Variants in NBEA observed in about 807,000 individuals in gnomAD.
The protein encoded by NBEA is lysosomal-trafficking regulator 2.
Under a neutral mutation model 343.4 loss-of-function variants are expected in NBEA, and 44 were observed. That is an observed-to-expected ratio of 0.13 (90% CI 0.10 to 0.16). The LOEUF is 0.16. Ranked by LOEUF, NBEA falls within the 10% of genes least tolerant of loss-of-function variation. The pLI, the probability that NBEA is intolerant of heterozygous loss-of-function variation, is 1.00. For synonymous variants in NBEA, 1,175 were observed against 1,238.7 expected (o/e 0.95, Z 1.08); for missense variants, 2,555 against 3,631.3 (o/e 0.70, Z 7.62).
At chr13:35,435,156 G>A (rs935405112) in intron 39 of NBEA, among the ~76,000 whole-genome samples, 7 of 151,956 alleles carry the variant, frequency 4.6e-5, no homozygotes, top group Middle Eastern at 3.2e-3. Context: ...GATTACAGGC[G>A]CCTGCCACCA....
In NBEA at chr13:35,110,927, T is replaced by C. The variant is rs1335592557; in HGVS notation, c.1951T>C (p.Tyr651His). 1 of 1,612,350 alleles carries C rather than the reference T, an allele frequency of 6.2e-7. No individual in the cohort carries two copies. The highest frequency in any genetic ancestry group is 8.5e-7 in the Non-Finnish European group (1 of 1,178,776). ...GCTAATGCACACCTTAAAATATTAC[T>C]ACTGGGTTATTAATCCTGCTGACAG... ...LQLMHTLKYY[Y>H]WVINPADSSG... Residue 651 changes from tyrosine (Y) to histidine (H), a missense_variant, in exon 13 of 59, where the codon TAC (tyrosine) becomes CAC (histidine). By Grantham distance (83) the Tyr-to-His change is moderately conservative. Around this residue, in one of 21 missense-constraint regions of NBEA, gnomAD observed 360 missense variants for 519.1 expected, o/e 0.69. Coordinates refer to ENST00000379939, the MANE Select transcript of NBEA (RefSeq NM_001385012.1).
intron 30 of NBEA, among the ~76,000 whole-genome samples, chr13:35,193,879 A>G (rs2072387186): frequency 6.6e-6 from 1 of 151,974 alleles, no homozygotes; most frequent in African/African-American, 2.4e-5. Flanking sequence ...AAACTATGAT[A>G]TAACATTGCA....
chr13:35,415,633 G>C (rs1262980777), intron 38 of NBEA, among the ~76,000 whole-genome samples: 1 of 152,072 alleles, frequency 6.6e-6, no homozygotes, highest in African/African-American at 2.4e-5. Context: ...TTTGGTTACT[G>C]TAGCCTTGTA....
intron 33 of NBEA, among the ~76,000 whole-genome samples, chr13:35,218,552 G>T (rs2074192154): frequency 6.6e-6 from 1 of 151,892 alleles, no homozygotes; most frequent in African/African-American, 2.4e-5. Flanking sequence ...TATAGTCATG[G>T]TTATAGCAGG....
At chr13:35,086,622 G>T (rs2152618460) in intron 10 of NBEA, among the ~76,000 whole-genome samples, 1 of 152,042 alleles carries the variant, frequency 6.6e-6, no homozygotes, top group South Asian at 2.1e-4. Context: ...TTAAACATGT[G>T]AGTGCGTGTA....
rs1161814140 is a variant in NBEA at position 35,159,838 on chromosome 13, A to G, written c.3667A>G (p.Arg1223Gly). ...AGATGGAATGAGCAGTATTTCTGAA[A>G]GAGACTTAGCGTCATCAACTAAGGG... ...TSDGMSSISE[R>G]DLASSTKGLE... The change falls in exon 22 of 59, where the codon AGA (arginine) becomes GGA (glycine). Residue 1223 changes from arginine (R) to glycine (G), a missense_variant. Transcript: ENST00000379939. 1.9e-6 allele frequency: 3 copies of G among 1,609,088 alleles called. No homozygotes were observed. Among genetic ancestry groups the G allele is most frequent in the Non-Finnish European group, 2.5e-6 (3 of 1,177,422 alleles).
intron 1 of NBEA, among the ~76,000 whole-genome samples, chr13:35,010,907 A>G (rs1157197432): frequency 1.3e-5 from 2 of 150,922 alleles, no homozygotes; most frequent in African/African-American, 4.9e-5. Context: ...GCAAGACCCC[A>G]TTTCTTTAAA....
intron 18 of NBEA, 94 bp from the exon 19 acceptor site, chr13:35,155,680 T>C (rs1368363125): frequency 8.5e-6 from 8 of 937,382 alleles, no homozygotes; most frequent in African/African-American, 3.3e-5. Flanking sequence ...TTGGACTGCA[T>C]TGACATTTCT....
intron 10 of NBEA, among the ~76,000 whole-genome samples, chr13:35,093,582 C>T (rs1001608655): frequency 1.8e-4 from 28 of 152,060 alleles, no homozygotes; most frequent in Middle Eastern, 3.4e-3. Context: ...ATTTGGCCTT[C>T]CTGCTGTGGC....
intron 39 of NBEA, among the ~76,000 whole-genome samples, chr13:35,436,409 T>G (rs969509810): frequency 6.6e-6 from 1 of 152,198 alleles, no homozygotes; most frequent in African/African-American, 2.4e-5. Context: ...AATTTCCCTG[T>G]TGTTAAATTC....
chr13:35,530,739 A>AGT (rs1555293674), intron 41 of NBEA, among the ~76,000 whole-genome samples: 1 of 151,988 alleles, frequency 6.6e-6, no homozygotes, highest in Non-Finnish European at 1.5e-5. Flanking sequence ...TTCCATGGTG[A>AGT]TCTGCACAAT....
At chr13:35,634,298 A>G (rs190305097) in intron 49 of NBEA, among the ~76,000 whole-genome samples, 31 of 152,272 alleles carry the variant, frequency 2.0e-4, no homozygotes, top group African/African-American at 7.5e-4. Flanking sequence ...AGCCAAGATC[A>G]TACCACTGCA....
chr13:35,056,762 A>G (rs2063279985), intron 7 of NBEA, among the ~76,000 whole-genome samples: 1 of 152,170 alleles, frequency 6.6e-6, no homozygotes, highest in Admixed American at 6.5e-5. Flanking sequence ...TTTGGCCTTC[A>G]TAAGCAAACA....
intron 34 of NBEA, among the ~76,000 whole-genome samples, chr13:35,257,167 C>A (rs371182647): frequency 4.5e-4 from 68 of 152,306 alleles, no homozygotes; most frequent in African/African-American, 1.6e-3. Context: ...TAGGCAAAAT[C>A]TGTTAAAGAG....
At chr13:35,231,417 C>T (rs2074967361) in intron 33 of NBEA, among the ~76,000 whole-genome samples, 1 of 151,976 alleles carries the variant, frequency 6.6e-6, no homozygotes, top group Non-Finnish European at 1.5e-5. Context: ...TCATGTGTAA[C>T]AAAATGTTAC....
intron 1 of NBEA, among the ~76,000 whole-genome samples, chr13:34,982,390 C>T (rs2060387324): frequency 6.6e-6 from 1 of 152,060 alleles, no homozygotes; most frequent in South Asian, 2.1e-4. Flanking sequence ...ACCCCTGCCT[C>T]CTGGGTTCAA....
rs1281435785 is a variant in NBEA at position 35,155,319 on chromosome 13, A to G, written c.2446-455A>G. ...AGTTAAAGAGTTTAGAAGTATGTGG[A>G]ATTCATTAAAAAGTCTCTTTAGGGC... On this transcript the variant is annotated intron_variant, in intron 18 of 58. Transcript: ENST00000379939. Among the ~76,000 whole-genome samples the G allele has an allele frequency of 2.6e-5, 4 of 151,980 alleles. No individual in the cohort carries two copies. The East Asian group carries it at 7.7e-4, about 29-fold the overall frequency.
chr13:34,983,984 T>G (rs1397155025), intron 1 of NBEA, among the ~76,000 whole-genome samples: 1 of 152,224 alleles, frequency 6.6e-6, no homozygotes, highest in Non-Finnish European at 1.5e-5. Context: ...TTCACTCTGA[T>G]GGTAGTTTCT....
At chr13:35,555,167 C>A in intron 44 of NBEA, 65 bp downstream of exon 44, 1 of 844,334 alleles carries the variant, frequency 1.2e-6, no homozygotes, top group Non-Finnish European at 1.8e-6. Flanking sequence ...GTAATGTAGC[C>A]TGATATAATA....
Sources: gnomAD v4.1 joint callset for allele counts (sites outside exome capture counted in the v4.1 genomes callset) on GRCh38, gnomAD v4.1.1 for gene constraint, gnomAD v4.1.1 regional missense constraint, MANE v1.5 for transcripts, NCBI Gene and HGNC (gene_info 2026-07-23, HGNC 2026-07-21) for gene names.